The following NPAS3 variants were observed in gnomAD, a reference collection of about 807,000 sequenced individuals.
NPAS3 encodes the protein neuronal PAS domain protein 3, also known as neuronal PAS domain-containing protein 3.
NPAS3 carries 14 observed loss-of-function variants against 73.1 expected under a neutral mutation model. That is an observed-to-expected ratio of 0.19 (90% CI 0.13 to 0.30). The LOEUF is 0.30. Among genes scored for constraint, NPAS3 ranks in the 10% least tolerant of loss-of-function variants. The probability of loss-of-function intolerance (pLI) is 1.00; values close to 1 mark genes in which losing one functional copy is unlikely to be tolerated. For synonymous variants in NPAS3, 620 were observed against 541.5 expected (o/e 1.14, Z -2.01); for missense variants, 1,096 against 1,250.0 (o/e 0.88, Z 1.86).
At chr14:33,738,638 G>T (rs895089548) in intron 7 of NPAS3, among the ~76,000 whole-genome samples, 2 of 152,168 alleles carry the variant, frequency 1.3e-5, no homozygotes, top group Non-Finnish European at 2.9e-5. Context: ...CCTCAGGAAA[G>T]TCGCCCTCTC....
At position 33,545,838 on chromosome 14, in the gene NPAS3, T is replaced by C. The variant is rs1430816262; in HGVS notation, c.469-14283T>C. 3.3e-5 allele frequency among the ~76,000 whole-genome samples: 5 copies of C among 152,204 alleles called. No individual in the cohort carries two copies. In the South Asian group the frequency reaches 6.2e-4, roughly 19 times the overall value. On this transcript the variant is annotated intron_variant, in intron 4 of 11. Coordinates refer to ENST00000356141, the Ensembl canonical transcript of NPAS3. ...AGAGGTCACTGTATAGTGCCAGATCTGTGAGCCATAAGATATGGCCTCTGG... is the reference window on the plus strand; with the variant it reads ...AGAGGTCACTGTATAGTGCCAGATCCGTGAGCCATAAGATATGGCCTCTGG...
At chr14:33,735,488 C>G (rs922065890) in intron 7 of NPAS3, among the ~76,000 whole-genome samples, 156 bp downstream of exon 7, 2 of 152,102 alleles carry the variant, frequency 1.3e-5, no homozygotes, top group African/African-American at 4.8e-5. Flanking sequence ...AAGGCAGGAG[C>G]TTCTTTACAC....
chr14:33,246,839 CAAAAAAAAAAAAAAAA>C (rs571439161), intron 3 of NPAS3, among the ~76,000 whole-genome samples: 1 of 61,954 alleles, frequency 1.6e-5, no homozygotes, highest in Non-Finnish European at 2.8e-5. Context: ...ATTAAAAATA[CAAAAAAAAAAAAAAAA>C]AAAAAAAAAA....
chr14:33,326,137 T>C (rs200204381), intron 3 of NPAS3, among the ~76,000 whole-genome samples: 1 of 152,118 alleles, frequency 6.6e-6, no homozygotes, highest in African/African-American at 2.4e-5. Flanking sequence ...TACACCATCA[T>C]ACAGTGTATG....
At chr14:33,541,636 G>C (rs923059277) in intron 4 of NPAS3, among the ~76,000 whole-genome samples, 2 of 152,214 alleles carry the variant, frequency 1.3e-5, no homozygotes, top group African/African-American at 4.8e-5. Context: ...AATGGGAAGA[G>C]TGTGAACACC....
intron 5 of NPAS3, among the ~76,000 whole-genome samples, chr14:33,609,489 A>G (rs1362641641): frequency 6.6e-6 from 1 of 151,854 alleles, no homozygotes; most frequent in Non-Finnish European, 1.5e-5. Flanking sequence ...GTACATTATC[A>G]TAGGTTCCTG....
At chr14:33,252,057 C>CTGTGTG (rs3057325) in intron 3 of NPAS3, among the ~76,000 whole-genome samples, 2,154 of 145,284 alleles carry the variant, frequency 0.015, 48 homozygotes, top group East Asian at 0.072. Flanking sequence ...GTGTGTGTGT[C>CTGTGTG]TGTGTGTGTG....
intron 1 of NPAS3, among the ~76,000 whole-genome samples, chr14:33,053,450 G>A (rs555786161): frequency 1.3e-5 from 2 of 152,306 alleles, no homozygotes; most frequent in South Asian, 4.1e-4. Context: ...AGACAGAAGT[G>A]ACAGGAAGGG....
intron 9 of NPAS3, among the ~76,000 whole-genome samples, chr14:33,788,563 A>G (rs1042322904): frequency 3.3e-5 from 5 of 152,202 alleles, no homozygotes; most frequent in Admixed American, 6.5e-5. Flanking sequence ...CCTTCTTCTT[A>G]TGACACAACT....
At chr14:33,314,106 C>G (rs1473517301) in intron 3 of NPAS3, among the ~76,000 whole-genome samples, 1 of 151,898 alleles carries the variant, frequency 6.6e-6, no homozygotes, top group African/African-American at 2.4e-5. Context: ...TAATAGACCA[C>G]TTTGTAAATA....
intron 2 of NPAS3, among the ~76,000 whole-genome samples, chr14:33,176,091 A>C (rs2045579854): frequency 6.6e-6 from 1 of 152,212 alleles, no homozygotes. Context: ...CCATCTAGAA[A>C]TATATAAACA....
chr14:33,037,220 T>A (rs2040198321), intron 1 of NPAS3, among the ~76,000 whole-genome samples: 1 of 152,196 alleles, frequency 6.6e-6, no homozygotes, highest in Admixed American at 6.5e-5. Context: ...TTCTAATCCA[T>A]ATTAGAGCAT....
chr14:33,561,404 A>ACAAGGG (rs1555412734), intron 5 of NPAS3, among the ~76,000 whole-genome samples: 3 of 152,244 alleles, frequency 2.0e-5, no homozygotes, highest in Admixed American at 2.0e-4. Context: ...GAGAATCCAA[A>ACAAGGG]CAAGGGTCTG....
chr14:33,122,362 T>C (rs554697943), intron 2 of NPAS3, among the ~76,000 whole-genome samples: 1 of 152,170 alleles, frequency 6.6e-6, no homozygotes, highest in Non-Finnish European at 1.5e-5. Flanking sequence ...AGAGGGAAAC[T>C]TTAGATGGAC....
intron 5 of NPAS3, among the ~76,000 whole-genome samples, chr14:33,623,639 G>A (rs765992280): frequency 2.0e-5 from 3 of 152,066 alleles, no homozygotes; most frequent in Non-Finnish European, 4.4e-5. Flanking sequence ...TCTCTCCAAG[G>A]CCTTCCCATC....
intron 2 of NPAS3, among the ~76,000 whole-genome samples, chr14:33,085,317 T>A (rs770103259): frequency 6.6e-6 from 1 of 152,234 alleles, no homozygotes; most frequent in Non-Finnish European, 1.5e-5. Context: ...AAATGAAATA[T>A]CTGGAATGTT....
chr14:33,030,248 G>A (rs1276425456), intron 1 of NPAS3, among the ~76,000 whole-genome samples: 1 of 152,108 alleles, frequency 6.6e-6, no homozygotes, highest in South Asian at 2.1e-4. Flanking sequence ...GCTTTATTAA[G>A]TTATGTAATG....
chr14:33,782,667 G>A (rs962458748), intron 9 of NPAS3, among the ~76,000 whole-genome samples: 4 of 152,236 alleles, frequency 2.6e-5, no homozygotes, highest in Admixed American at 6.5e-5. Flanking sequence ...GAGACTGTAG[G>A]TGTGGTGGCA....
chr14:33,261,022 C>T (rs946086983), intron 3 of NPAS3, among the ~76,000 whole-genome samples: 2 of 152,132 alleles, frequency 1.3e-5, no homozygotes, highest in Non-Finnish European at 2.9e-5. Flanking sequence ...ACAGTACAGA[C>T]ACCTGTCATC....
Sources: allele counts gnomAD v4.1 joint callset (sites outside exome capture counted in the v4.1 genomes callset), GRCh38; gene constraint gnomAD v4.1.1; transcripts MANE v1.5; gene names NCBI Gene and HGNC (gene_info 2026-07-23, HGNC 2026-07-21).